The following ACBD6 variants were observed in gnomAD, a reference collection of about 807,000 sequenced individuals.
ACBD6 encodes acyl-CoA binding domain containing 6.
In ACBD6, 28 loss-of-function variants were observed where a neutral mutation model predicts 37.2. The ratio of observed to expected loss-of-function variants is 0.75; its 90% CI spans 0.56 to 1.03. The LOEUF is 1.03. Among genes scored for constraint, ACBD6 ranks in the 50% least tolerant of loss-of-function variants. The pLI, the probability that ACBD6 is intolerant of heterozygous loss-of-function variation, is 0.00. For synonymous variants in ACBD6, 113 were observed against 126.8 expected, an observed-to-expected ratio of 0.89 and a Z score of 0.73; for missense variants, 340 against 337.4, an observed-to-expected ratio of 1.01 and a Z score of -0.06.
intron 6 of ACBD6, among the ~76,000 whole-genome samples, chr1:180,393,319 A>C (rs1360643668): frequency 6.6e-6 from 1 of 152,216 alleles, no homozygotes. Context: ...TATAAAAAAA[A>C]ATGTATGAGA....
intron 3 of ACBD6, among the ~76,000 whole-genome samples, chr1:180,456,763 G>A (rs772846341): frequency 1.3e-5 from 2 of 150,958 alleles, no homozygotes; most frequent in Non-Finnish European, 2.9e-5. Flanking sequence ...TTTCTCTGTT[G>A]CCCAGGTTGG....
At chr1:180,357,896 G>A (rs535089337) in intron 6 of ACBD6, among the ~76,000 whole-genome samples, 10 of 152,238 alleles carry the variant, frequency 6.6e-5, no homozygotes, top group South Asian at 2.1e-4. Context: ...TTCTTTGGTC[G>A]TTCATATTGT....
At chr1:180,447,613 T>C (rs1649524347) in intron 3 of ACBD6, among the ~76,000 whole-genome samples, 1 of 152,190 alleles carries the variant, frequency 6.6e-6, no homozygotes, top group Non-Finnish European at 1.5e-5. Context: ...GAAAACTACC[T>C]TCAGGTTATT....
At chr1:180,363,518 T>A (rs183832653) in intron 6 of ACBD6, among the ~76,000 whole-genome samples, 1 of 152,018 alleles carries the variant, frequency 6.6e-6, no homozygotes, top group Non-Finnish European at 1.5e-5. Flanking sequence ...TAAAAGTTGA[T>A]GAAAAAGCAG....
At chr1:180,347,205 A>G (rs1472411516) in intron 6 of ACBD6, among the ~76,000 whole-genome samples, 1 of 152,148 alleles carries the variant, frequency 6.6e-6, no homozygotes, top group African/African-American at 2.4e-5. Context: ...CTTTGGCTGG[A>G]TGGTAAAGTA....
rs1430765942 is a variant in ACBD6, at chr1:180,303,587, T to C, written c.694+11105A>G. Among the ~76,000 whole-genome samples, 9 of 150,662 alleles carry C rather than the reference T, an allele frequency of 6.0e-5. No homozygotes were observed. The South Asian group carries it at 6.3e-4, about 11-fold the overall frequency. ...GTTGAATCTCTGAAGAGATCAATAATAGGATCTGAAATTGAGGCAAAAATT... is the reference window on the plus strand; with the variant it reads ...GTTGAATCTCTGAAGAGATCAATAACAGGATCTGAAATTGAGGCAAAAATT... On this transcript the variant is annotated intron_variant, in intron 7 of 7. Transcript: ENST00000367595.
chr1:180,321,634 C>T (rs974093311), intron 6 of ACBD6, among the ~76,000 whole-genome samples: 1 of 152,034 alleles, frequency 6.6e-6, no homozygotes, highest in Admixed American at 6.6e-5. Context: ...CACCACTGCA[C>T]TTCAGCCTGG....
chr1:180,373,446 C>T (rs1276909928), intron 6 of ACBD6, among the ~76,000 whole-genome samples: 1 of 152,150 alleles, frequency 6.6e-6, no homozygotes, highest in Non-Finnish European at 1.5e-5. Context: ...GAGTACTAGC[C>T]TTTACCTAAA....
intron 3 of ACBD6, among the ~76,000 whole-genome samples, chr1:180,455,224 A>G (rs1649871005): frequency 6.6e-6 from 1 of 152,212 alleles, no homozygotes; most frequent in African/African-American, 2.4e-5. Flanking sequence ...CTTTACAGGG[A>G]CATGGATGAA....
At chr1:180,300,743 T>C (rs185938515) in intron 7 of ACBD6, among the ~76,000 whole-genome samples, 5 of 152,266 alleles carry the variant, frequency 3.3e-5, no homozygotes, top group Admixed American at 1.3e-4. Flanking sequence ...TATTAATGTA[T>C]AAACTCTTGG....
chr1:180,414,323 C>T (rs1187348538), intron 4 of ACBD6, among the ~76,000 whole-genome samples: 8 of 152,170 alleles, frequency 5.3e-5, no homozygotes, highest in Admixed American at 1.3e-4. Context: ...ATGCATTTTG[C>T]GTTCCAAAAA....
chr1:180,472,111 C>G (rs1296760053), intron 3 of ACBD6, among the ~76,000 whole-genome samples: 1 of 152,160 alleles, frequency 6.6e-6, no homozygotes, highest in Non-Finnish European at 1.5e-5. Context: ...TAGGGCAAGG[C>G]CAGACCTGAG....
At chr1:180,339,669 C>CT (rs1361198408) in intron 6 of ACBD6, among the ~76,000 whole-genome samples, 1 of 151,890 alleles carries the variant, frequency 6.6e-6, no homozygotes, top group Non-Finnish European at 1.5e-5. Context: ...CACCCTAAAA[C>CT]TTAAAGTATA....
In ACBD6 at chr1:180,437,444, T is replaced by C. The variant is rs1037335276; in HGVS notation, c.385-7182A>G. 2.6e-5 allele frequency among the ~76,000 whole-genome samples: 4 copies of C among 152,316 alleles called. No homozygotes were observed. The South Asian group carries it at 8.3e-4, about 32-fold the overall frequency. ...TGCTGCAGAACTGCTCACATAATGT[T>C]GGGGAGAAATCCCCACGTATTTGGT... On this transcript the variant is annotated intron_variant, in intron 3 of 7. Coordinates refer to ENST00000367595, the MANE Select transcript of ACBD6 (RefSeq NM_032360.4).
chr1:180,357,277 C>G (rs1652665635), intron 6 of ACBD6, among the ~76,000 whole-genome samples: 2 of 152,158 alleles, frequency 1.3e-5, no homozygotes, highest in African/African-American at 4.8e-5. Flanking sequence ...TCAAGTTCAA[C>G]AAGATTAAAT....
intron 6 of ACBD6, among the ~76,000 whole-genome samples, chr1:180,317,477 A>G (rs1650858136): frequency 6.6e-6 from 1 of 152,210 alleles, no homozygotes; most frequent in Admixed American, 6.5e-5. Context: ...TGAACTGTAC[A>G]TGTAAAAATG....
At chr1:180,500,609 G>A (rs1380168155) in intron 1 of ACBD6, among the ~76,000 whole-genome samples, 1 of 150,992 alleles carries the variant, frequency 6.6e-6, no homozygotes, top group African/African-American at 2.4e-5. Flanking sequence ...CAGGACAATC[G>A]CTTGAACCGG....
intron 7 of ACBD6, among the ~76,000 whole-genome samples, chr1:180,298,336 A>C (rs1343448053): frequency 1.3e-5 from 2 of 152,170 alleles, no homozygotes; most frequent in Non-Finnish European, 2.9e-5. Flanking sequence ...CCATTGTATA[A>C]ATCTATAATA....
At chr1:180,462,127 T>A (rs1348902906) in intron 3 of ACBD6, among the ~76,000 whole-genome samples, 1 of 151,958 alleles carries the variant, frequency 6.6e-6, no homozygotes, top group African/African-American at 2.4e-5. Flanking sequence ...TCCCAGCTAT[T>A]TAGGGAGGCT....
Sources: gnomAD v4.1 joint callset for allele counts (sites outside exome capture counted in the v4.1 genomes callset) on GRCh38, gnomAD v4.1.1 for gene constraint, MANE v1.5 for transcripts, NCBI Gene and HGNC (gene_info 2026-07-23, HGNC 2026-07-21) for gene names.